SOX5: variants seen among roughly 807,000 people sequenced by gnomAD.
The protein encoded by SOX5 is SRY-box transcription factor 5.
Under a neutral mutation model 92.0 loss-of-function variants are expected in SOX5, and 9 were observed. That is an observed-to-expected ratio of 0.10 (90% CI 0.06 to 0.17). The LOEUF is 0.17. SOX5 is among the 10% of genes least tolerant of loss of function. The pLI, the probability that SOX5 is intolerant of heterozygous loss-of-function variation, is 1.00. For missense variants in SOX5, 642 were observed against 944.5 expected (o/e 0.68, Z 4.20); for synonymous variants, 344 against 336.3 (o/e 1.02, Z -0.25).
In SOX5 at chr12:24,160,811, T is replaced by G. The variant is rs112500968; in HGVS notation, c.-2+52532A>C. Reference sequence around the variant, plus strand: ...CAAAAAATTCTAGACAGTAAAGATATGATATGTTTCAAAAGGAAGTTGTAA... The same window carrying G: ...CAAAAAATTCTAGACAGTAAAGATAGGATATGTTTCAAAAGGAAGTTGTAA... On this transcript the variant is annotated intron_variant, in intron 4 of 4. Coordinates refer to the SOX5 transcript ENST00000446891. 9.3e-3 allele frequency among the ~76,000 whole-genome samples: 1,409 copies of G among 152,150 alleles called. 22 individuals are homozygous for G. The highest frequency in any genetic ancestry group is 0.032 in the African/African-American group (1,324 of 41,534).
At chr12:24,503,735 A>G (rs888965788) in intron 1 of SOX5, among the ~76,000 whole-genome samples, 2 of 152,164 alleles carry the variant, frequency 1.3e-5, no homozygotes, top group African/African-American at 4.8e-5. Context: ...CAGAAAACCA[A>G]CCACAGCATG....
intron 3 of SOX5, among the ~76,000 whole-genome samples, chr12:24,244,782 T>A (rs113109511): frequency 0.12 from 18,833 of 152,220 alleles, 1,615 homozygotes; most frequent in Non-Finnish European, 0.18. Context: ...AACCTCCGCC[T>A]CCTGAGTTCA....
chr12:24,208,686 T>C (rs1478718284), intron 4 of SOX5, among the ~76,000 whole-genome samples: 4 of 152,196 alleles, frequency 2.6e-5, no homozygotes, highest in Admixed American at 1.3e-4. Context: ...TGGCTACAGC[T>C]CTTCACGCCA....
At position 24,118,034 on chromosome 12, in the gene SOX5, A is replaced by AT. The variant is rs1233845061; in HGVS notation, c.-2+95308_-2+95309insA. Among the ~76,000 whole-genome samples the AT allele has an allele frequency of 2.0e-5, 3 of 149,362 alleles. No homozygotes were observed. The East Asian group carries it at 5.8e-4, about 29-fold the overall frequency. ...ACTCTCATTCAAAAAAAAAAAAAAA[A>AT]AAAAGAAAAAAAAAATCTGTCTCAC... On this transcript the variant is annotated intron_variant, in intron 4 of 4. Coordinates refer to the SOX5 transcript ENST00000446891.
intron 1 of SOX5, among the ~76,000 whole-genome samples, chr12:24,529,734 A>G (rs1219528580): frequency 6.6e-6 from 1 of 152,190 alleles, no homozygotes; most frequent in Non-Finnish European, 1.5e-5. Context: ...AAAAAGCCAT[A>G]CAAGGCTGGG....
upstream of SOX5, among the ~76,000 whole-genome samples, chr12:23,950,083 T>C (rs1170889371): frequency 1.3e-5 from 2 of 151,668 alleles, no homozygotes; most frequent in African/African-American, 4.8e-5. Flanking sequence ...TATGATTTTG[T>C]AAAACGTATT....
At chr12:24,064,768 A>G (rs1340699929) in intron 4 of SOX5, among the ~76,000 whole-genome samples, 1 of 152,182 alleles carries the variant, frequency 6.6e-6, no homozygotes, top group Non-Finnish European at 1.5e-5. Flanking sequence ...TGAACAGAAT[A>G]ATGATCATCT....
intron 4 of SOX5, among the ~76,000 whole-genome samples, chr12:23,996,319 T>C (rs745712426): frequency 1.3e-5 from 2 of 152,132 alleles, no homozygotes; most frequent in Non-Finnish European, 2.9e-5. Context: ...AGGATGACTA[T>C]AATAATAAAA....
chr12:23,790,548 TCACACACACACA>T (rs941547453), intron 3 of SOX5, among the ~76,000 whole-genome samples: 5 of 137,322 alleles, frequency 3.6e-5, no homozygotes, highest in Non-Finnish European at 7.8e-5. Flanking sequence ...TCTCAATCTC[TCACACACACACA>T]CACACACACA....
At chr12:24,007,754 T>TAAATGTATATAAATGTATTTATATATAC (rs1952459582) in intron 4 of SOX5, among the ~76,000 whole-genome samples, 1 of 118,138 alleles carries the variant, frequency 8.5e-6, no homozygotes, top group Non-Finnish European at 1.7e-5. Flanking sequence ...TTTATGTATA[T>TAAATGTATATAAATGTATTTATATATAC]AAATGTATAT....
intron 6 of SOX5, among the ~76,000 whole-genome samples, chr12:23,691,720 T>G (rs895337038): frequency 6.6e-6 from 1 of 152,172 alleles, no homozygotes; most frequent in African/African-American, 2.4e-5. Context: ...TGTCTTCTTT[T>G]TTATTCTTTG....
intron 3 of SOX5, among the ~76,000 whole-genome samples, chr12:23,827,462 A>C (rs2096251270): frequency 6.6e-6 from 1 of 152,248 alleles, no homozygotes; most frequent in Non-Finnish European, 1.5e-5. Context: ...TCTATTGACC[A>C]AGAATAGCAC....
chr12:23,561,888 G>A (rs913040010), intron 11 of SOX5, among the ~76,000 whole-genome samples: 12 of 151,428 alleles, frequency 7.9e-5, no homozygotes, highest in Non-Finnish European at 1.3e-4. Flanking sequence ...AATTCAATGC[G>A]CTTAACAAAT....
Position 24,460,673 on chromosome 12 carries a change from C to T in SOX5, c.-250-92034G>A, listed in dbSNP as rs144072778. The T allele has an allele frequency of 2.3e-3, 348 of 152,324 alleles. 2 individuals carry two copies. The highest frequency in any genetic ancestry group is 7.9e-3 in the African/African-American group (328 of 41,578). 9.4% of individuals were successfully genotyped at this position (152,324 alleles called of 1,614,324 possible). On this transcript the variant is annotated intron_variant, in intron 1 of 4. Transcript: ENST00000446891. Reference sequence around the variant, plus strand: ...ATAATTTGTATGGGATTACATCAGACCATTCCATTATCTTCTCTCGAGCAC... The same window carrying T: ...ATAATTTGTATGGGATTACATCAGATCATTCCATTATCTTCTCTCGAGCAC...
At chr12:24,387,200 T>A (rs1427255747) in intron 1 of SOX5, among the ~76,000 whole-genome samples, 1 of 152,210 alleles carries the variant, frequency 6.6e-6, no homozygotes, top group African/African-American at 2.4e-5. Flanking sequence ...GGATACAGCA[T>A]CTCCATTAAC....
intron 3 of SOX5, among the ~76,000 whole-genome samples, chr12:23,802,230 T>C (rs982523142): frequency 3.3e-5 from 5 of 151,874 alleles, no homozygotes; most frequent in South Asian, 2.1e-4. Flanking sequence ...CCCACCACCA[T>C]GTCCAGCTAA....
At chr12:24,150,085 A>G (rs1188410513) in intron 4 of SOX5, among the ~76,000 whole-genome samples, 1 of 152,206 alleles carries the variant, frequency 6.6e-6, no homozygotes, top group East Asian at 1.9e-4. Flanking sequence ...TTGGATCCAT[A>G]CATATGTCAA....
intron 4 of SOX5, among the ~76,000 whole-genome samples, chr12:24,156,263 C>T (rs534915894): frequency 2.0e-5 from 3 of 152,288 alleles, no homozygotes; most frequent in East Asian, 1.9e-4. Flanking sequence ...TATTCCACAG[C>T]TCCCCTCAAG....
chr12:24,245,798 G>A (rs1218249914), intron 3 of SOX5, among the ~76,000 whole-genome samples: 1 of 152,074 alleles, frequency 6.6e-6, no homozygotes, highest in Non-Finnish European at 1.5e-5. Context: ...AGAATATAGA[G>A]CAGCTAAGGA....
Sources: allele counts gnomAD v4.1 joint callset (sites outside exome capture counted in the v4.1 genomes callset), GRCh38; gene constraint gnomAD v4.1.1; transcripts MANE v1.5; gene names NCBI Gene and HGNC (gene_info 2026-07-23, HGNC 2026-07-21).